Variants in PHF14 observed in about 807,000 individuals in gnomAD.
PHF14 encodes PHD finger protein 14.
Under a neutral mutation model 117.9 loss-of-function variants are expected in PHF14, and 55 were observed. The observed-to-expected ratio is 0.47, with a 90% CI of 0.38 to 0.58. The LOEUF (loss-of-function observed/expected upper bound fraction) is 0.58. Among genes scored for constraint, PHF14 ranks in the 20% least tolerant of loss-of-function variants. PHF14 has a pLI of 0.00. For missense variants in PHF14, 978 were observed against 1,122.2 expected (o/e 0.87, Z 1.84); for synonymous variants, 409 against 368.6 (o/e 1.11, Z -1.26).
chr7:10,998,884 G>A (rs1440746306), intron 4 of PHF14, among the ~76,000 whole-genome samples: 2 of 152,092 alleles, frequency 1.3e-5, no homozygotes, highest in Non-Finnish European at 2.9e-5. Context: ...GTCATTCTTA[G>A]GTCTACTTCT....
intron 16 of PHF14, among the ~76,000 whole-genome samples, chr7:11,069,762 C>G (rs991301391): frequency 2.7e-5 from 4 of 150,024 alleles, no homozygotes; most frequent in Admixed American, 6.7e-5. Flanking sequence ...TCTCAAACTC[C>G]TGGGCTTAAG....
intron 17 of PHF14, among the ~76,000 whole-genome samples, chr7:11,162,549 T>C (rs1420269371): frequency 6.6e-6 from 1 of 152,172 alleles, no homozygotes; most frequent in South Asian, 2.1e-4. Context: ...TTTATCCTAG[T>C]TTGCCACTGT....
At chr7:11,044,005 C>A (rs1784582204) in intron 13 of PHF14, among the ~76,000 whole-genome samples, 1 of 151,786 alleles carries the variant, frequency 6.6e-6, no homozygotes, top group Non-Finnish European at 1.5e-5. Context: ...AAAACACACA[C>A]AAAAAAAGGG....
At chr7:10,997,313 T>C (rs567227438) in intron 4 of PHF14, among the ~76,000 whole-genome samples, 114 of 152,240 alleles carry the variant, frequency 7.5e-4, no homozygotes, top group African/African-American at 2.6e-3. Context: ...AAAGTGAGAA[T>C]AAAAGAAGGG....
chr7:11,105,760 C>T lies in PHF14; in HGVS notation c.2655-5590C>T, dbSNP rs918092757. 8 of 984,506 alleles carry T rather than the reference C, an allele frequency of 8.1e-6. No homozygotes were observed. The South Asian group carries it at 1.4e-4, about 17-fold the overall frequency. The allele number at this position is 984,506 out of a possible 1,614,324, so 61.0% of individuals were successfully genotyped here. A position where few individuals can be genotyped will look rare whatever the true frequency, so the allele number is the denominator to read the frequency against. ...ACTTTAAGGCTTTCTGTAGGCCTGC[C>T]GATAAGATTCACTGCTGTTCAGGTA... On this transcript the variant is annotated intron_variant, in intron 16 of 17. Transcript: ENST00000634607.
chr7:11,147,735 G>A (rs1391747833), intron 17 of PHF14, among the ~76,000 whole-genome samples: 3 of 152,002 alleles, frequency 2.0e-5, no homozygotes, highest in Admixed American at 2.0e-4. Flanking sequence ...CTTGGTCATT[G>A]TGTCCCTTCT....
intron 16 of PHF14, chr7:11,110,042 C>G (rs1787391150): frequency 6.6e-6 from 1 of 151,738 alleles, no homozygotes; most frequent in Non-Finnish European, 1.5e-5. Context: ...TCTTGATTCC[C>G]CAAATGAGTT....
At chr7:11,071,066 T>C (rs773997157) in intron 16 of PHF14, among the ~76,000 whole-genome samples, 6 of 152,242 alleles carry the variant, frequency 3.9e-5, no homozygotes, top group Admixed American at 1.3e-4. Context: ...TCTTTATTTT[T>C]GTGATAGTTG....
intron 6 of PHF14, among the ~76,000 whole-genome samples, chr7:11,027,016 C>T (rs370272407): frequency 6.6e-6 from 1 of 152,064 alleles, no homozygotes; most frequent in African/African-American, 2.4e-5. Context: ...AGTTCACTAG[C>T]ATTTTAAATG....
chr7:11,010,965 T>G (rs1391922254), intron 4 of PHF14, among the ~76,000 whole-genome samples: 1 of 152,210 alleles, frequency 6.6e-6, no homozygotes, highest in African/African-American at 2.4e-5. Flanking sequence ...GACTTTCAGA[T>G]TTTATTAAAA....
chr7:11,005,609 C>T (rs929770936), intron 4 of PHF14, among the ~76,000 whole-genome samples: 2 of 152,024 alleles, frequency 1.3e-5, no homozygotes, highest in Non-Finnish European at 2.9e-5. Flanking sequence ...TTCTGTAATT[C>T]TTCTCATGTC....
chr7:11,074,914 G>A (rs1785771628), intron 16 of PHF14, among the ~76,000 whole-genome samples: 1 of 150,402 alleles, frequency 6.6e-6, no homozygotes, highest in African/African-American at 2.4e-5. Context: ...CAGTTCCCAA[G>A]CTGCTTCCAT....
At chr7:11,016,878 C>T (rs913476298) in intron 5 of PHF14, among the ~76,000 whole-genome samples, 30 of 152,100 alleles carry the variant, frequency 2.0e-4, no homozygotes, top group African/African-American at 6.5e-4. Flanking sequence ...CCACCTCCCC[C>T]CACCATTTCA....
intron 17 of PHF14, among the ~76,000 whole-genome samples, chr7:11,132,976 A>C (rs1217947482): frequency 2.0e-5 from 3 of 151,918 alleles, no homozygotes; most frequent in Non-Finnish European, 4.4e-5. Context: ...AAAACCCATG[A>C]AATTCTTAGG....
chr7:11,015,379 C>G (rs1783499801), intron 5 of PHF14, among the ~76,000 whole-genome samples: 1 of 152,002 alleles, frequency 6.6e-6, no homozygotes, highest in Non-Finnish European at 1.5e-5. Context: ...AGAATCTTAC[C>G]TCTTCTTCCT....
intron 5 of PHF14, among the ~76,000 whole-genome samples, chr7:11,018,412 C>G (rs1450438809): frequency 6.6e-6 from 1 of 152,038 alleles, no homozygotes; most frequent in Non-Finnish European, 1.5e-5. Context: ...TTGGTGTCGT[C>G]TTCAATTTCT....
At chr7:10,979,754 TGAA>T (rs1781991938) in intron 2 of PHF14, among the ~76,000 whole-genome samples, 2 of 152,062 alleles carry the variant, frequency 1.3e-5, no homozygotes, top group African/African-American at 4.8e-5. Flanking sequence ...ACTAATTAGA[TGAA>T]GAAGTTATTT....
At chr7:11,019,349 G>A (rs970970646) in intron 5 of PHF14, among the ~76,000 whole-genome samples, 9 of 152,130 alleles carry the variant, frequency 5.9e-5, no homozygotes, top group African/African-American at 2.2e-4. Context: ...ATTCAGCAGC[G>A]AAGCCATCAG....
intron 16 of PHF14, among the ~76,000 whole-genome samples, chr7:11,089,990 C>T (rs140382416): frequency 0.077 from 11,702 of 152,182 alleles, 482 homozygotes; most frequent in African/African-American, 0.098. Context: ...AGGCTGGTCT[C>T]GAACTCCTGA....
Sources: gnomAD v4.1 joint callset for allele counts (sites outside exome capture counted in the v4.1 genomes callset) on GRCh38, gnomAD v4.1.1 for gene constraint, MANE v1.5 for transcripts, NCBI Gene and HGNC (gene_info 2026-07-23, HGNC 2026-07-21) for gene names.